NTM: variants seen among roughly 807,000 people sequenced by gnomAD.
The protein encoded by NTM is neurotrimin.
Under a neutral mutation model 42.1 loss-of-function variants are expected in NTM, and 13 were observed. The ratio of observed to expected loss-of-function variants is 0.31; its 90% CI spans 0.20 to 0.49. The LOEUF (loss-of-function observed/expected upper bound fraction) is 0.49. Among genes scored for constraint, NTM ranks in the 20% least tolerant of loss-of-function variants. The pLI, the probability that NTM is intolerant of heterozygous loss-of-function variation, is 0.99. For synonymous variants in NTM, 187 were observed against 179.2 expected (o/e 1.04, Z -0.35); for missense variants, 373 against 452.8 (o/e 0.82, Z 1.60).
chr11:131,789,624 AG>A (rs1403646639), intron 1 of NTM, among the ~76,000 whole-genome samples: 2 of 87,840 alleles, frequency 2.3e-5, no homozygotes, highest in East Asian at 3.4e-4. Context: ...AAGAAGAAGA[AG>A]AAGAAGAAGA....
intron 4 of NTM, among the ~76,000 whole-genome samples, chr11:132,242,636 C>T (rs975374361): frequency 6.6e-6 from 1 of 152,218 alleles, no homozygotes; most frequent in Non-Finnish European, 1.5e-5. Flanking sequence ...AGTAGCCACC[C>T]TGTTTGAAAG....
intron 2 of NTM, among the ~76,000 whole-genome samples, chr11:132,015,599 C>A (rs938593879): frequency 8.0e-5 from 12 of 150,194 alleles, no homozygotes; most frequent in African/African-American, 2.2e-4. Context: ...TCCTTGTAGA[C>A]GTCTTTTACC....
chr11:131,604,746 G>T (rs534058369), intron 1 of NTM, among the ~76,000 whole-genome samples: 18 of 150,116 alleles, frequency 1.2e-4, no homozygotes, highest in African/African-American at 4.2e-4. Context: ...GGGGGAGTAA[G>T]AATCCCACTT....
intron 1 of NTM, among the ~76,000 whole-genome samples, chr11:131,619,463 A>T (rs1280186559): frequency 6.6e-6 from 1 of 152,248 alleles, no homozygotes; most frequent in Non-Finnish European, 1.5e-5. Flanking sequence ...ACTCTTTTGC[A>T]GTAGCTGAAG....
At chr11:131,643,037 A>C (rs375957498) in intron 1 of NTM, among the ~76,000 whole-genome samples, 17 of 143,534 alleles carry the variant, frequency 1.2e-4, no homozygotes, top group African/African-American at 4.6e-4. Context: ...TTCTACACTT[A>C]AAGGAAAAAG....
At chr11:132,016,825 A>G (rs2073496661) in intron 2 of NTM, among the ~76,000 whole-genome samples, 1 of 151,852 alleles carries the variant, frequency 6.6e-6, no homozygotes, top group Non-Finnish European at 1.5e-5. Flanking sequence ...TTTATTTTTT[A>G]TTATAACCAT....
chr11:132,055,940 G>A (rs2079587141), intron 2 of NTM, among the ~76,000 whole-genome samples: 1 of 152,212 alleles, frequency 6.6e-6, no homozygotes, highest in Admixed American at 6.5e-5. Flanking sequence ...GAAGCTGCTG[G>A]ATAAATGCCA....
chr11:131,504,510 C>T (rs1273348812), intron 1 of NTM, among the ~76,000 whole-genome samples: 1 of 152,302 alleles, frequency 6.6e-6, no homozygotes, highest in Non-Finnish European at 1.5e-5. Flanking sequence ...ACTGAGCACA[C>T]CATACCACCC....
intron 1 of NTM, among the ~76,000 whole-genome samples, chr11:131,858,862 ACCAAATAGTC>A: frequency 7.0e-6 from 1 of 142,478 alleles, no homozygotes; most frequent in African/African-American, 3.1e-5. Flanking sequence ...ACTTCTGCTC[ACCAAATAGTC>A]CCCACCCTGC....
chr11:132,226,257 T>A (rs1027704741), intron 4 of NTM, among the ~76,000 whole-genome samples: 1 of 152,238 alleles, frequency 6.6e-6, no homozygotes, highest in African/African-American at 2.4e-5. Flanking sequence ...AAATGGTATT[T>A]CTGGTTCTAG....
At chr11:131,840,466 A>G (rs1307998920) in intron 1 of NTM, among the ~76,000 whole-genome samples, 1 of 152,162 alleles carries the variant, frequency 6.6e-6, no homozygotes, top group East Asian at 1.9e-4. Flanking sequence ...AGGATCGACC[A>G]TGAGATTTGA....
chr11:132,128,377 A>G (rs114237936), intron 2 of NTM, among the ~76,000 whole-genome samples: 1 of 152,118 alleles, frequency 6.6e-6, no homozygotes, highest in Non-Finnish European at 1.5e-5. Context: ...AACTGTTGCT[A>G]GTCCTGTTTA....
At chr11:132,052,315 C>T (rs562949661) in intron 2 of NTM, among the ~76,000 whole-genome samples, 3 of 152,294 alleles carry the variant, frequency 2.0e-5, no homozygotes, top group South Asian at 4.1e-4. Context: ...TGTTCTTGGA[C>T]ACCAGCATTC....
At chr11:131,592,657 C>CACACACAA (rs2059475168) in intron 1 of NTM, among the ~76,000 whole-genome samples, 1 of 137,200 alleles carries the variant, frequency 7.3e-6, no homozygotes, top group African/African-American at 3.4e-5. Flanking sequence ...AACACACACA[C>CACACACAA]ACACACACAC....
intron 1 of NTM, chr11:131,910,860 G>A: frequency 2.0e-6 from 2 of 985,294 alleles, no homozygotes; most frequent in Non-Finnish European, 2.4e-6. Flanking sequence ...GTTGACCGAG[G>A]CGGCTGCCGC....
intron 7 of NTM, among the ~76,000 whole-genome samples, chr11:132,315,339 G>A (rs528116213): frequency 7.9e-5 from 12 of 152,300 alleles, no homozygotes; most frequent in African/African-American, 2.9e-4. Context: ...GCCCCTGCTA[G>A]CAGACAGCTG....
chr11:131,461,224 G>T (rs529855314), intron 1 of NTM, among the ~76,000 whole-genome samples: 19 of 152,254 alleles, frequency 1.2e-4, no homozygotes, highest in African/African-American at 3.9e-4. Context: ...AATAAGACTT[G>T]GGTTGGCCAG....
chr11:131,555,306 C>T (rs2055260002), intron 1 of NTM, among the ~76,000 whole-genome samples: 1 of 152,152 alleles, frequency 6.6e-6, no homozygotes, highest in Non-Finnish European at 1.5e-5. Flanking sequence ...GGTTTGGTTC[C>T]TTTTTGTCTG....
intron 2 of NTM, among the ~76,000 whole-genome samples, chr11:132,120,524 T>A (rs1033236879): frequency 6.6e-6 from 1 of 152,230 alleles, no homozygotes; most frequent in Non-Finnish European, 1.5e-5. Flanking sequence ...GGGACCAGAC[T>A]ATGACCAATG....
Sources: gnomAD v4.1 joint callset for allele counts (sites outside exome capture counted in the v4.1 genomes callset) on GRCh38, gnomAD v4.1.1 for gene constraint, MANE v1.5 for transcripts, NCBI Gene and HGNC (gene_info 2026-07-23, HGNC 2026-07-21) for gene names.